M1AP: variants seen among roughly 807,000 people sequenced by gnomAD.
M1AP encodes meiosis 1 associated protein.
A neutral mutation model predicts 51.2 loss-of-function variants in M1AP; 39 were observed. That is an observed-to-expected ratio of 0.76 (90% confidence interval 0.59 to 1.00). The LOEUF (loss-of-function observed/expected upper bound fraction) is 1.00. Among genes scored for constraint, M1AP ranks in the 50% least tolerant of loss-of-function variants. The probability of loss-of-function intolerance (pLI) is 0.00; values close to 1 mark genes in which losing one functional copy is unlikely to be tolerated. For synonymous variants in M1AP, 251 were observed against 249.2 expected (o/e 1.01, Z -0.07); for missense variants, 545 against 641.2 (o/e 0.85, Z 1.62).
At chr2:74,565,443 G>C (rs1196259540) in intron 7 of M1AP, among the ~76,000 whole-genome samples, 1 of 152,036 alleles carries the variant, frequency 6.6e-6, no homozygotes. Context: ...TATCCCTAAG[G>C]CTGGTTTAAT....
At chr2:74,576,923 G>C in intron 5 of M1AP, 7 of 1,111,510 alleles carry the variant, frequency 6.3e-6, no homozygotes, top group Non-Finnish European at 7.8e-6. Context: ...TTGTCTCATA[G>C]TGAGACATCT....
intron 2 of M1AP, among the ~76,000 whole-genome samples, chr2:74,627,938 G>A (rs1005041244): frequency 6.6e-6 from 1 of 152,020 alleles, no homozygotes; most frequent in Non-Finnish European, 1.5e-5. Context: ...TAAACACATA[G>A]AGCTTTGAGA....
At chr2:74,600,543 G>T (rs568603277) in intron 4 of M1AP, among the ~76,000 whole-genome samples, 1 of 152,262 alleles carries the variant, frequency 6.6e-6, no homozygotes, top group East Asian at 1.9e-4. Context: ...AGGGTTGTAG[G>T]GTTGGCTTAT....
chr2:74,582,771 AG>A (rs1247730486), intron 4 of M1AP, among the ~76,000 whole-genome samples: 23 of 152,194 alleles, frequency 1.5e-4, no homozygotes, highest in African/African-American at 5.6e-4. Context: ...CTGTAATCCC[AG>A]CACCTTGGGA....
intron 7 of M1AP, among the ~76,000 whole-genome samples, chr2:74,566,911 C>T (rs1339596442): frequency 6.6e-6 from 1 of 152,148 alleles, no homozygotes; most frequent in Non-Finnish European, 1.5e-5. Context: ...TGGAATGTGT[C>T]TCCAGAGACT....
intron 3 of M1AP, among the ~76,000 whole-genome samples, chr2:74,612,270 A>G (rs1681411515): frequency 6.6e-6 from 1 of 151,884 alleles, no homozygotes; most frequent in African/African-American, 2.4e-5. Context: ...CCAGGCTGCA[A>G]TGCAGTGGTG....
At chr2:74,566,605 C>T (rs1201310423) in intron 7 of M1AP, among the ~76,000 whole-genome samples, 1 of 152,158 alleles carries the variant, frequency 6.6e-6, no homozygotes, top group Non-Finnish European at 1.5e-5. Flanking sequence ...AGGAAGCCCA[C>T]TGACTCACGC....
At chr2:74,641,753 G>C (rs1320116798) in intron 1 of M1AP, among the ~76,000 whole-genome samples, 1 of 151,540 alleles carries the variant, frequency 6.6e-6, no homozygotes, top group Non-Finnish European at 1.5e-5. Context: ...TGGGATTACA[G>C]GTGTGAGCCA....
At chr2:74,635,383 G>T (rs1243310349) in intron 2 of M1AP, among the ~76,000 whole-genome samples, 1 of 151,804 alleles carries the variant, frequency 6.6e-6, no homozygotes, top group Non-Finnish European at 1.5e-5. Flanking sequence ...TATTTTCCTT[G>T]TCATTCTTGC....
At chr2:74,604,559 G>A (rs949047945) in intron 4 of M1AP, among the ~76,000 whole-genome samples, 35 of 152,160 alleles carry the variant, frequency 2.3e-4, no homozygotes, top group African/African-American at 8.4e-4. Context: ...AGGAGGTGGA[G>A]CTCAGGCAGT....
intron 2 of M1AP, among the ~76,000 whole-genome samples, chr2:74,617,884 T>C (rs1681764260): frequency 6.6e-6 from 1 of 152,230 alleles, no homozygotes; most frequent in Non-Finnish European, 1.5e-5. Flanking sequence ...TCTTTGGCAA[T>C]GCCGAATCTG....
chr2:74,610,879 A>G (rs1254309714), intron 3 of M1AP, among the ~76,000 whole-genome samples: 1 of 152,186 alleles, frequency 6.6e-6, no homozygotes, highest in Non-Finnish European at 1.5e-5. Flanking sequence ...AAGAGTTTTT[A>G]TCATGAAGTG....
intron 7 of M1AP, chr2:74,575,117 G>A (rs1019823565): frequency 4.1e-5 from 7 of 170,044 alleles, no homozygotes; most frequent in Admixed American, 6.5e-5. Flanking sequence ...GAACCATAAC[G>A]TCTATCAGTG....
At chr2:74,590,443 G>A (rs1200290697) in intron 4 of M1AP, among the ~76,000 whole-genome samples, 1 of 151,794 alleles carries the variant, frequency 6.6e-6, no homozygotes, top group East Asian at 1.9e-4. Context: ...TTTTAGGGGG[G>A]GCGGGGGCGG....
intron 1 of M1AP, among the ~76,000 whole-genome samples, chr2:74,644,734 C>T (rs772973058): frequency 1.3e-5 from 2 of 152,088 alleles, no homozygotes; most frequent in African/African-American, 4.8e-5. Context: ...TGAAAGTCAT[C>T]TTGAACCAGA....
chr2:74,607,458 G>A (rs1681079280), intron 3 of M1AP, among the ~76,000 whole-genome samples: 1 of 152,124 alleles, frequency 6.6e-6, no homozygotes, highest in African/African-American at 2.4e-5. Flanking sequence ...AAAGTGACTG[G>A]AGAAACCATA....
At position 74,584,830 on chromosome 2, in the gene M1AP, T is replaced by TA. The variant is rs1558660616; in HGVS notation, c.596-2984_596-2983insT. Among the ~76,000 whole-genome samples the TA allele has an allele frequency of 2.8e-5, 4 of 140,426 alleles. No individual in the cohort carries two copies. The East Asian group carries it at 7.9e-4, about 28-fold the overall frequency. The allele number at this position is 140,426 out of a possible 152,430, so 92.1% of individuals were successfully genotyped here. A position where few individuals can be genotyped will look rare whatever the true frequency, so the allele number is the denominator to read the frequency against. On this transcript the variant is annotated intron_variant, in intron 4 of 10. Transcript: ENST00000421985. ...CATATATATATATATATATATATAT[T>TA]TTATTATTATTTTTTTATTTTATTT...
chr2:74,596,540 C>T (rs1680351606), intron 4 of M1AP, among the ~76,000 whole-genome samples: 1 of 152,038 alleles, frequency 6.6e-6, no homozygotes, highest in African/African-American at 2.4e-5. Flanking sequence ...CGAGATCACG[C>T]CACTGCACTC....
Position 74,640,323 on chromosome 2 carries a change from T to A in M1AP, c.-48A>T, listed in dbSNP as rs763360401. 8 of 1,607,000 alleles carry A rather than the reference T, an allele frequency of 5.0e-6. No individual in the cohort carries two copies. Among genetic ancestry groups the A allele is most frequent in the Admixed American group, 1.7e-5 (1 of 59,314 alleles). ...CTGTAGCCACCAGCTGGATATTCTTTACACCTATAGGGAAGGAAAGAGAAA... is the reference window on the plus strand; with the variant it reads ...CTGTAGCCACCAGCTGGATATTCTTAACACCTATAGGGAAGGAAAGAGAAA... On this transcript the variant is annotated 5_prime_UTR_variant, in exon 2 of 11. Transcript: ENST00000421985.
Sources: gnomAD v4.1 joint callset for allele counts (sites outside exome capture counted in the v4.1 genomes callset) on GRCh38, gnomAD v4.1.1 for gene constraint, MANE v1.5 for transcripts, NCBI Gene and HGNC (gene_info 2026-07-23, HGNC 2026-07-21) for gene names.